The following CCR5AS variants were observed in gnomAD, a reference collection of about 807,000 sequenced individuals.
CCR5AS encodes the protein CCR5 antisense RNA.
At chr3:46,381,693 C>G (rs1701818476) in intron 2 of CCR5AS, among the ~76,000 whole-genome samples, 1 of 152,228 alleles carries the variant, frequency 6.6e-6, no homozygotes, top group South Asian at 2.1e-4. Context: ...ATTCAAAAAT[C>G]CTTTTTAGGA....
intron 2 of CCR5AS, among the ~76,000 whole-genome samples, chr3:46,386,580 G>T (rs1701864824): frequency 2.0e-5 from 3 of 151,112 alleles, no homozygotes; most frequent in African/African-American, 2.4e-5. Flanking sequence ...TACAGGAAAA[G>T]GTGGGGCCAA....
chr3:46,383,356 C>G (rs893529235), intron 2 of CCR5AS, among the ~76,000 whole-genome samples: 3 of 152,168 alleles, frequency 2.0e-5, no homozygotes, highest in African/African-American at 7.2e-5. Flanking sequence ...GGGCAGCAGG[C>G]CAATTCCCCA....
intron 1 of CCR5AS, among the ~76,000 whole-genome samples, chr3:46,397,713 C>A (rs1701972465): frequency 6.6e-6 from 1 of 152,190 alleles, no homozygotes; most frequent in African/African-American, 2.4e-5. Flanking sequence ...GACAGGGGAG[C>A]CTGCTGTTAA....
chr3:46,372,580 GT>G (rs2106744941), intron 2 of CCR5AS: 1 of 190,520 alleles, frequency 5.2e-6, no homozygotes, highest in East Asian at 1.4e-4. Context: ...GCTTGACCCA[GT>G]TTCTTAAAAT....
intron 2 of CCR5AS, chr3:46,375,086 G>A (rs1476495566): frequency 1.8e-5 from 3 of 167,086 alleles, no homozygotes; most frequent in Non-Finnish European, 4.4e-5. Context: ...AGGAGGTTTA[G>A]GTCAAGAAGA....
intron 3 of CCR5AS, among the ~76,000 whole-genome samples, chr3:46,370,019 A>G (rs1219687734): frequency 6.6e-6 from 1 of 152,182 alleles, no homozygotes; most frequent in Non-Finnish European, 1.5e-5. Context: ...AGCTCTGCTG[A>G]CAATACTTGA....
chr3:46,370,622 A>G (rs1701648626), intron 3 of CCR5AS, among the ~76,000 whole-genome samples: 1 of 152,218 alleles, frequency 6.6e-6, no homozygotes, highest in South Asian at 2.1e-4. Flanking sequence ...TTCTTTTACT[A>G]AAATGTGGGC....
chr3:46,372,781 A>G (rs1701680449), intron 2 of CCR5AS: 5 of 733,330 alleles, frequency 6.8e-6, no homozygotes, highest in East Asian at 2.5e-5. Flanking sequence ...CAATGTAGAC[A>G]TCTATGTAGG....
intron 2 of CCR5AS, among the ~76,000 whole-genome samples, chr3:46,389,950 C>T (rs1009413912): frequency 1.3e-5 from 2 of 152,028 alleles, no homozygotes; most frequent in African/African-American, 4.8e-5. Flanking sequence ...CCTCAGAGGG[C>T]AATACTTTGT....
chr3:46,387,413 T>C (rs968769594), intron 2 of CCR5AS, among the ~76,000 whole-genome samples: 2 of 152,216 alleles, frequency 1.3e-5, no homozygotes. Flanking sequence ...TGAGCCATCC[T>C]CTTCTTCTTG....
intron 2 of CCR5AS, among the ~76,000 whole-genome samples, chr3:46,386,882 A>G (rs1383880067): frequency 1.3e-5 from 2 of 152,218 alleles, no homozygotes; most frequent in African/African-American, 2.4e-5. Context: ...CAGTGGGGTG[A>G]GAGGCAGAGG....
chr3:46,380,496 A>C (rs1701806089), intron 2 of CCR5AS, among the ~76,000 whole-genome samples: 1 of 152,264 alleles, frequency 6.6e-6, no homozygotes. Flanking sequence ...GTTTGAAAAC[A>C]AAAAGGTTGT....
intron 2 of CCR5AS, among the ~76,000 whole-genome samples, chr3:46,381,175 CT>C (rs1162649425): frequency 6.6e-6 from 1 of 152,194 alleles, no homozygotes; most frequent in African/African-American, 2.4e-5. Context: ...AGCTTGGCAA[CT>C]TCAAATTCAA....
intron 1 of CCR5AS, among the ~76,000 whole-genome samples, chr3:46,405,620 G>C (rs1193395159): frequency 6.6e-6 from 1 of 152,008 alleles, no homozygotes; most frequent in East Asian, 1.9e-4. Context: ...GAGTGTCCCA[G>C]GGCACCATGA....
chr3:46,373,472 G>C, intron 2 of CCR5AS: 1 of 1,316,280 alleles, frequency 7.6e-7, no homozygotes, highest in Non-Finnish European at 1.1e-6. Flanking sequence ...ATCAATTCTG[G>C]AAGAATTTCC....
At chr3:46,382,397 G>T (rs570629292) in intron 2 of CCR5AS, among the ~76,000 whole-genome samples, 1 of 152,218 alleles carries the variant, frequency 6.6e-6, no homozygotes, top group African/African-American at 2.4e-5. Context: ...CGTGAAACTG[G>T]GAGATCCACT....
At chr3:46,377,879 G>A (rs1242350723) in intron 2 of CCR5AS, among the ~76,000 whole-genome samples, 2 of 152,070 alleles carry the variant, frequency 1.3e-5, no homozygotes. Context: ...GTAATTTTTT[G>A]TATTTTTAGT....
intron 2 of CCR5AS, chr3:46,373,648 C>A (rs1024436533): frequency 6.2e-7 from 1 of 1,614,142 alleles, no homozygotes; most frequent in Non-Finnish European, 8.5e-7. Flanking sequence ...CTCTTCTGGG[C>A]TCCCTACAAC....
At chr3:46,390,414 G>C (rs1701900720) in intron 2 of CCR5AS, among the ~76,000 whole-genome samples, 1 of 152,178 alleles carries the variant, frequency 6.6e-6, no homozygotes, top group Non-Finnish European at 1.5e-5. Flanking sequence ...GGTAGGATAG[G>C]GGAGTTGTAA....
Sources: allele counts gnomAD v4.1 joint callset (sites outside exome capture counted in the v4.1 genomes callset), GRCh38; gene constraint gnomAD v4.1.1; transcripts MANE v1.5; gene names NCBI Gene and HGNC (gene_info 2026-07-23, HGNC 2026-07-21).